Variants in MINAR1 observed in about 807,000 individuals in gnomAD.
The protein encoded by MINAR1 is membrane integral NOTCH2 associated receptor 1, also known as major intrinsically disordered Notch2-binding receptor 1.
MINAR1 carries 40 observed loss-of-function variants against 65.1 expected under a neutral mutation model. The ratio of observed to expected loss-of-function variants is 0.61; its 90% confidence interval spans 0.48 to 0.80. The LOEUF (loss-of-function observed/expected upper bound fraction) is 0.80, where lower values mean the gene tolerates loss of function less well. Ranked by LOEUF, MINAR1 falls within the 30% of genes least tolerant of loss-of-function variation. MINAR1 has a pLI of 0.00. For missense variants in MINAR1, 1,128 were observed against 1,148.0 expected (o/e 0.98, Z 0.25); for synonymous variants, 482 against 449.1 (o/e 1.07, Z -0.93).
At chr15:79,465,416 T>C (rs1205829812) in intron 3 of MINAR1, among the ~76,000 whole-genome samples, 6 of 147,154 alleles carry the variant, frequency 4.1e-5, no homozygotes, top group Non-Finnish European at 8.9e-5. Context: ...CCCGTTCTTC[T>C]TTCCAGTGTT....
intron 1 of MINAR1, among the ~76,000 whole-genome samples, chr15:79,435,331 G>A (rs975889884): frequency 2.0e-5 from 3 of 151,998 alleles, no homozygotes; most frequent in Admixed American, 6.6e-5. Flanking sequence ...GGACATAGCA[G>A]CCAGTTCACT....
intron 1 of MINAR1, among the ~76,000 whole-genome samples, chr15:79,447,047 C>T (rs1595938087): frequency 6.6e-6 from 1 of 152,094 alleles, no homozygotes; most frequent in East Asian, 1.9e-4. Context: ...CCACCATGCC[C>T]AGCTAACTTT....
Position 79,432,414 on chromosome 15 carries a change from G to T in MINAR1, c.-177G>T, listed in dbSNP as rs1186928668. On this transcript the variant is annotated 5_prime_UTR_variant, in exon 1 of 4. Transcript: ENST00000305428. The stretch of plus-strand genomic sequence containing the variant: ...CCTGGGCGCGGAATCCGGGCTGCCG[G>T]GTGACAGTGACCAGCTGACTCTGGA... The T allele has an allele frequency of 6.6e-6, 1 of 152,468 alleles. No individual in the cohort carries two copies. Among genetic ancestry groups the T allele is most frequent in the Non-Finnish European group, 1.5e-5 (1 of 68,162 alleles). The allele number at this position is 152,468 out of a possible 1,614,324, so 9.4% of individuals were successfully genotyped here.
At chr15:79,460,287 G>T (rs1895599456) in intron 2 of MINAR1, among the ~76,000 whole-genome samples, 1 of 152,154 alleles carries the variant, frequency 6.6e-6, no homozygotes, top group Non-Finnish European at 1.5e-5. Flanking sequence ...ATGTCAAACT[G>T]CTGAAGGCCA....
chr15:79,437,123 AAAG>A (rs2141275148), intron 1 of MINAR1, among the ~76,000 whole-genome samples: 1 of 152,282 alleles, frequency 6.6e-6, no homozygotes, highest in East Asian at 1.9e-4. Context: ...ACAAACAAAC[AAAG>A]ATCAACCAGT....
At position 79,457,708 on chromosome 15, in the gene MINAR1, A is replaced by G. The variant is rs1331419330; in HGVS notation, c.1561A>G (p.Ile521Val). The change falls in exon 2 of 4, where the codon ATT (isoleucine) becomes GTT (valine). Residue 521 changes from isoleucine (I) to valine (V), a missense_variant. Transcript: ENST00000305428. ...SEIVSDDISDIFRFLDDMSIS... is the reference protein window; with the variant it reads ...SEIVSDDISDVFRFLDDMSIS... Reference sequence around the variant, plus strand: ...AATTGTCAGCGACGACATCAGTGACATTTTCCGATTTCTTGATGACATGAG... The same window carrying G: ...AATTGTCAGCGACGACATCAGTGACGTTTTCCGATTTCTTGATGACATGAG... 1 of 1,614,194 alleles carries G rather than the reference A, an allele frequency of 6.2e-7. No homozygotes were observed.
At chr15:79,431,138 T>C (rs1894426238), upstream of MINAR1, among the ~76,000 whole-genome samples, 1 of 148,798 alleles carries the variant, frequency 6.7e-6, no homozygotes, top group Non-Finnish European at 1.5e-5. Flanking sequence ...CCTGGGGAGG[T>C]ATGCTCCTTA....
the MINAR1 span, chr15:79,420,463 A>G: frequency 2.0e-5 from 3 of 152,248 alleles, no homozygotes; most frequent in Non-Finnish European, 4.4e-5. Flanking sequence ...CGCAAAAGTA[A>G]TTCAGCTGTA....
intron 1 of MINAR1, among the ~76,000 whole-genome samples, chr15:79,450,588 T>C (rs1895159527): frequency 6.6e-6 from 1 of 151,852 alleles, no homozygotes; most frequent in Admixed American, 6.6e-5. Context: ...GTTATTCCCC[T>C]CTGAGGTCAT....
At chr15:79,436,924 C>T (rs1894616833) in intron 1 of MINAR1, among the ~76,000 whole-genome samples, 2 of 152,226 alleles carry the variant, frequency 1.3e-5, no homozygotes, top group Non-Finnish European at 2.9e-5. Flanking sequence ...GTCCAATTCC[C>T]TGCACCCTTT....
chr15:79,420,612 A>G, the MINAR1 span: 1 of 152,182 alleles, frequency 6.6e-6, no homozygotes, highest in African/African-American at 2.4e-5. Context: ...TGACTTCCTG[A>G]GAATTGAAAC....
chr15:79,463,733 A>G, intron 3 of MINAR1: 1 of 462,924 alleles, frequency 2.2e-6, no homozygotes, highest in Non-Finnish European at 4.3e-6. Flanking sequence ...CAAGCTATGG[A>G]TTATGTTTCC....
intron 2 of MINAR1, among the ~76,000 whole-genome samples, chr15:79,459,909 T>G (rs1202471639): frequency 2.0e-5 from 3 of 152,188 alleles, no homozygotes; most frequent in Non-Finnish European, 4.4e-5. Flanking sequence ...CACTATCTCT[T>G]AGCTGCCAGG....
chr15:79,420,663 A>G, the MINAR1 span: 5 of 152,206 alleles, frequency 3.3e-5, no homozygotes, highest in African/African-American at 7.2e-5. Flanking sequence ...GAATTGCTCT[A>G]TGGTGGTGTA....
intron 1 of MINAR1, among the ~76,000 whole-genome samples, chr15:79,450,441 C>T (rs1015557947): frequency 2.0e-5 from 3 of 151,674 alleles, no homozygotes; most frequent in African/African-American, 7.3e-5. Context: ...GATTGGCGGG[C>T]GACGAGAGCA....
At chr15:79,439,545 T>C (rs1420309520) in intron 1 of MINAR1, among the ~76,000 whole-genome samples, 2 of 151,480 alleles carry the variant, frequency 1.3e-5, no homozygotes, top group African/African-American at 4.9e-5. Context: ...GGGTAGATAG[T>C]GTCGGATGTG....
At chr15:79,466,981 T>C (rs1048292470) in intron 3 of MINAR1, among the ~76,000 whole-genome samples, 4 of 152,196 alleles carry the variant, frequency 2.6e-5, no homozygotes, top group African/African-American at 9.6e-5. Flanking sequence ...CTCTTTCTTC[T>C]TGTCTTCATT....
intron 2 of MINAR1, among the ~76,000 whole-genome samples, chr15:79,461,440 GTTA>G (rs1222476470): frequency 4.6e-5 from 7 of 152,368 alleles, no homozygotes; most frequent in Admixed American, 6.5e-5. Context: ...TACCGTCGTA[GTTA>G]TTATCACCAT....
In MINAR1 at chr15:79,451,876, C is replaced by T. The variant is rs547457272; in HGVS notation, c.-50-4222C>T. On this transcript the variant is annotated intron_variant, in intron 1 of 3. Coordinates refer to ENST00000305428, the MANE Select transcript of MINAR1 (RefSeq NM_015206.3). ...CGCCAGAGAGGGGTGGATTTGTTGG[C>T]TGCTTAGCCCCCAAAATATGCATGG... Among the ~76,000 whole-genome samples the T allele has an allele frequency of 6.6e-5, 10 of 152,298 alleles. No homozygotes were observed. The South Asian group carries it at 1.9e-3, about 28-fold the overall frequency.
Sources: allele counts gnomAD v4.1 joint callset (sites outside exome capture counted in the v4.1 genomes callset), GRCh38; gene constraint gnomAD v4.1.1; transcripts MANE v1.5; gene names NCBI Gene and HGNC (gene_info 2026-07-23, HGNC 2026-07-21).